The following UTRN variants were observed in gnomAD, a reference collection of about 807,000 sequenced individuals.
The protein encoded by UTRN is dystrophin-related protein 1.
In UTRN, 283 loss-of-function variants were observed where a neutral mutation model predicts 463.9. That is an observed-to-expected ratio of 0.61 (90% CI 0.55 to 0.67). The LOEUF is 0.67. UTRN is among the 30% of genes least tolerant of loss of function. The pLI is 0.00. For synonymous variants in UTRN, 1,442 were observed against 1,431.5 expected (o/e 1.01, Z -0.17); for missense variants, 3,922 against 4,084.3 (o/e 0.96, Z 1.08).
intron 74 of UTRN, among the ~76,000 whole-genome samples, 183 bp from the exon 75 acceptor site, chr6:144,850,806 T>G (rs574604935): frequency 1.3e-5 from 2 of 152,114 alleles, no homozygotes; most frequent in Non-Finnish European, 2.9e-5. Flanking sequence ...TCAGCTGCAG[T>G]GATAGAAAGC....
At chr6:144,532,134 CAATAAATA>C (rs34622000) in intron 42 of UTRN, among the ~76,000 whole-genome samples, 18 of 150,984 alleles carry the variant, frequency 1.2e-4, no homozygotes, top group South Asian at 2.1e-4. Flanking sequence ...AATACTGTGT[CAATAAATA>C]AATAAATAAA....
At chr6:144,596,752 A>G (rs141926628) in intron 51 of UTRN, among the ~76,000 whole-genome samples, 68 of 152,250 alleles carry the variant, frequency 4.5e-4, no homozygotes, top group African/African-American at 1.4e-3. Context: ...TCTTTTTTCA[A>G]TTATTCTGTA....
intron 19 of UTRN, among the ~76,000 whole-genome samples, chr6:144,455,275 C>A (rs1297338608): frequency 6.6e-6 from 1 of 151,876 alleles, no homozygotes; most frequent in Non-Finnish European, 1.5e-5. Context: ...TTAATATTTT[C>A]TTTCAAAATC....
chr6:144,589,233 A>G (rs145724406), intron 51 of UTRN, among the ~76,000 whole-genome samples: 111 of 152,326 alleles, frequency 7.3e-4, no homozygotes, highest in African/African-American at 2.5e-3. Flanking sequence ...GCTGACTACA[A>G]CAATAGAATA....
intron 51 of UTRN, among the ~76,000 whole-genome samples, chr6:144,595,439 T>G (rs1803545105): frequency 6.6e-6 from 1 of 152,234 alleles, no homozygotes; most frequent in Admixed American, 6.5e-5. Flanking sequence ...GGAAGAATGT[T>G]GAATACTAAC....
intron 2 of UTRN, among the ~76,000 whole-genome samples, chr6:144,392,179 T>C (rs1178955657): frequency 6.6e-6 from 1 of 152,260 alleles, no homozygotes; most frequent in Non-Finnish European, 1.5e-5. Context: ...TTTGGAGATA[T>C]TGGGTTAAAT....
chr6:144,287,689 C>T (rs77332915), intron 1 of UTRN, among the ~76,000 whole-genome samples: 168 of 152,176 alleles, frequency 1.1e-3, no homozygotes, highest in Non-Finnish European at 2.0e-3. Flanking sequence ...ATTTTTTAAA[C>T]ACCTTATGTT....
intron 51 of UTRN, among the ~76,000 whole-genome samples, chr6:144,579,101 A>T (rs1801717055): frequency 6.6e-6 from 1 of 152,218 alleles, no homozygotes; most frequent in African/African-American, 2.4e-5. Context: ...ATTTCTGTTT[A>T]AATACATTGC....
intron 50 of UTRN, among the ~76,000 whole-genome samples, chr6:144,567,372 G>A (rs1800503523): frequency 6.6e-6 from 1 of 152,114 alleles, no homozygotes. Flanking sequence ...CAAATATCTG[G>A]TAGTGACTTA....
At chr6:144,314,649 G>C (rs142895213) in intron 2 of UTRN, among the ~76,000 whole-genome samples, 62 of 152,294 alleles carry the variant, frequency 4.1e-4, no homozygotes, top group African/African-American at 1.2e-3. Flanking sequence ...GTTTGGGACA[G>C]TACCCTATCA....
At chr6:144,471,037 G>A in intron 23 of UTRN, among the ~76,000 whole-genome samples, 2 of 126,930 alleles carry the variant, frequency 1.6e-5, no homozygotes, top group African/African-American at 3.1e-5. Flanking sequence ...GGGAGACGAG[G>A]GAGGGGGAGA....
chr6:144,731,524 G>A (rs1458799471), intron 54 of UTRN, among the ~76,000 whole-genome samples: 1 of 152,110 alleles, frequency 6.6e-6, no homozygotes, highest in Non-Finnish European at 1.5e-5. Context: ...GTTAGAAAAT[G>A]CTTTCTTTGA....
At chr6:144,384,936 C>T (rs567494195) in intron 2 of UTRN, among the ~76,000 whole-genome samples, 1 of 152,164 alleles carries the variant, frequency 6.6e-6, no homozygotes, top group South Asian at 2.1e-4. Flanking sequence ...ATGCTTTTTA[C>T]TCAGATCCCG....
intron 2 of UTRN, among the ~76,000 whole-genome samples, chr6:144,361,768 C>CT (rs200737117): frequency 0.063 from 8,689 of 138,192 alleles, 1,011 homozygotes; most frequent in African/African-American, 0.23. Context: ...TTCTTTCTTT[C>CT]TTTCTTTTTT....
intron 23 of UTRN, among the ~76,000 whole-genome samples, chr6:144,469,837 G>C (rs1173071602): frequency 6.6e-6 from 1 of 151,884 alleles, no homozygotes; most frequent in Non-Finnish European, 1.5e-5. Context: ...TTCCTAGGCA[G>C]AGGGCCCTGC....
chr6:144,638,560 A>G (rs1274365448), intron 51 of UTRN, among the ~76,000 whole-genome samples: 2 of 152,200 alleles, frequency 1.3e-5, no homozygotes, highest in African/African-American at 4.8e-5. Flanking sequence ...TGTCTTTGTC[A>G]CTGTATGTAG....
At chr6:144,739,060 A>G (rs1236698622) in intron 54 of UTRN, among the ~76,000 whole-genome samples, 1 of 152,192 alleles carries the variant, frequency 6.6e-6, no homozygotes, top group Non-Finnish European at 1.5e-5. Context: ...AAAAGTATGT[A>G]TGGGTTAATG....
At chr6:144,628,113 T>C (rs1445153928) in intron 51 of UTRN, among the ~76,000 whole-genome samples, 2 of 152,156 alleles carry the variant, frequency 1.3e-5, no homozygotes, top group Non-Finnish European at 2.9e-5. Flanking sequence ...TTCTTCTTTT[T>C]TAAGGCTAAT....
intron 42 of UTRN, 94 bp from the exon 43 acceptor site, chr6:144,532,991 C>G: frequency 1.6e-6 from 1 of 611,036 alleles, no homozygotes; most frequent in Non-Finnish European, 2.7e-6. Context: ...GTTTCTTTCA[C>G]ACTTAAATTG....
Sources: allele counts gnomAD v4.1 joint callset (sites outside exome capture counted in the v4.1 genomes callset), GRCh38; gene constraint gnomAD v4.1.1; transcripts MANE v1.5; gene names NCBI Gene and HGNC (gene_info 2026-07-23, HGNC 2026-07-21).